The following EEIG2 variants were observed in gnomAD, a reference collection of about 807,000 sequenced individuals.
EEIG2 encodes family with sequence similarity 102 member B.
chr1:108,608,088 A>G, the EEIG2 span, among the ~76,000 whole-genome samples: 1 of 152,238 alleles, frequency 6.6e-6, no homozygotes, highest in Non-Finnish European at 1.5e-5. Flanking sequence ...TGAACACACA[A>G]GTAAACACTC....
At chr1:108,573,355 A>G in the EEIG2 span, among the ~76,000 whole-genome samples, 1 of 152,234 alleles carries the variant, frequency 6.6e-6, no homozygotes, top group Non-Finnish European at 1.5e-5. Flanking sequence ...TGACCTCTTT[A>G]TTACGTAACA....
chr1:108,609,965 C>T, the EEIG2 span, among the ~76,000 whole-genome samples: 111 of 152,190 alleles, frequency 7.3e-4, 3 homozygotes, highest in East Asian at 0.02. Context: ...GGGCTTAATA[C>T]CTAGGCGATG....
the EEIG2 span, among the ~76,000 whole-genome samples, chr1:108,586,280 T>A: frequency 6.6e-6 from 1 of 151,776 alleles, no homozygotes; most frequent in Admixed American, 6.6e-5. Flanking sequence ...AGCAATGTCT[T>A]GAATTATATA....
At chr1:108,569,121 C>CTG in the EEIG2 span, among the ~76,000 whole-genome samples, 1 of 152,164 alleles carries the variant, frequency 6.6e-6, no homozygotes, top group Non-Finnish European at 1.5e-5. Context: ...CTGGGTGCAG[C>CTG]TGAGGACAGA....
At chr1:108,601,482 A>G in the EEIG2 span, among the ~76,000 whole-genome samples, 1 of 150,950 alleles carries the variant, frequency 6.6e-6, no homozygotes, top group African/African-American at 2.4e-5. Context: ...TTAATATAAT[A>G]TACTAAATAA....
the EEIG2 span, among the ~76,000 whole-genome samples, chr1:108,602,522 G>GT: frequency 6.6e-6 from 1 of 152,040 alleles, no homozygotes; most frequent in African/African-American, 2.4e-5. Flanking sequence ...AAAATTTCCT[G>GT]TTTTTATAAG....
chr1:108,561,347 T>C, the EEIG2 span, among the ~76,000 whole-genome samples: 1 of 152,232 alleles, frequency 6.6e-6, no homozygotes, highest in East Asian at 1.9e-4. Context: ...TTGACAGATG[T>C]ACCCTAAGGT....
chr1:108,635,463 A>G, the EEIG2 span: 1 of 237,286 alleles, frequency 4.2e-6, no homozygotes, highest in Non-Finnish European at 8.2e-6. Context: ...CATTATATAC[A>G]TCGGAGTATC....
chr1:108,587,748 T>C, the EEIG2 span, among the ~76,000 whole-genome samples: 4 of 152,354 alleles, frequency 2.6e-5, no homozygotes, highest in Admixed American at 6.5e-5. Context: ...GTCTATGATG[T>C]GTATTCTGAA....
At chr1:108,617,222 A>T in the EEIG2 span, among the ~76,000 whole-genome samples, 1 of 152,072 alleles carries the variant, frequency 6.6e-6, no homozygotes, top group African/African-American at 2.4e-5. Flanking sequence ...TGCCACTCAC[A>T]CTCTGAGTGA....
chr1:108,618,283 T>C, the EEIG2 span, among the ~76,000 whole-genome samples: 4 of 152,126 alleles, frequency 2.6e-5, no homozygotes, highest in Non-Finnish European at 5.9e-5. Flanking sequence ...AATGGAAGCA[T>C]ATAGAAGTTC....
At chr1:108,591,191 G>A in the EEIG2 span, among the ~76,000 whole-genome samples, 1 of 152,214 alleles carries the variant, frequency 6.6e-6, no homozygotes, top group African/African-American at 2.4e-5. Flanking sequence ...AGTAGTCTGA[G>A]TTTGTTTCCA....
chr1:108,638,793 G>A, the EEIG2 span: 1 of 152,140 alleles, frequency 6.6e-6, no homozygotes, highest in Non-Finnish European at 1.5e-5. Flanking sequence ...ATGTTAAGAT[G>A]CTCTGGAAAT....
the EEIG2 span, chr1:108,635,287 A>G: frequency 4.5e-6 from 5 of 1,108,436 alleles, 1 homozygote; most frequent in South Asian, 7.1e-5. Context: ...TCTTCTCTGG[A>G]AGGACCCACC....
At chr1:108,587,846 A>G in the EEIG2 span, among the ~76,000 whole-genome samples, 1 of 152,038 alleles carries the variant, frequency 6.6e-6, no homozygotes, top group Non-Finnish European at 1.5e-5. Flanking sequence ...CTGCATCTAT[A>G]TTGTTCTAGA....
chr1:108,616,176 C>T, the EEIG2 span, among the ~76,000 whole-genome samples: 12 of 142,260 alleles, frequency 8.4e-5, no homozygotes, highest in South Asian at 2.2e-4. Context: ...GTTGCCTAGG[C>T]GGGAGTGCAG....
the EEIG2 span, among the ~76,000 whole-genome samples, chr1:108,568,864 C>T: frequency 2.0e-5 from 3 of 152,176 alleles, no homozygotes; most frequent in African/African-American, 7.2e-5. Flanking sequence ...TTGACCAGAA[C>T]ATCAGCACCA....
At chr1:108,624,740 G>T in the EEIG2 span, 1 of 1,613,684 alleles carries the variant, frequency 6.2e-7, no homozygotes, top group East Asian at 2.2e-5. Flanking sequence ...GTGCATCTTG[G>T]AATAGCAGGT....
At chr1:108,624,672 A>T in the EEIG2 span, 1 of 1,614,114 alleles carries the variant, frequency 6.2e-7, no homozygotes, top group Non-Finnish European at 8.5e-7. Flanking sequence ...TGTCTATACC[A>T]ATTGCTGGTG....
Sources: allele counts gnomAD v4.1 joint callset (sites outside exome capture counted in the v4.1 genomes callset), GRCh38; gene constraint gnomAD v4.1.1; transcripts MANE v1.5; gene names NCBI Gene and HGNC (gene_info 2026-07-23, HGNC 2026-07-21).